HK2: variants seen among roughly 807,000 people sequenced by gnomAD.
The protein encoded by HK2 is hexokinase 2, also known as hexokinase-2.
A neutral mutation model predicts 92.9 loss-of-function variants in HK2; 42 were observed. That is an observed-to-expected ratio of 0.45 (90% CI 0.35 to 0.58). HK2 has a LOEUF of 0.58. Among genes scored for constraint, HK2 ranks in the 20% least tolerant of loss-of-function variants. The pLI is 0.00. For synonymous variants in HK2, 422 were observed against 468.0 expected, an observed-to-expected ratio of 0.90 and a Z score of 1.27; for missense variants, 978 against 1,245.1, an observed-to-expected ratio of 0.79 and a Z score of 3.23.
chr2:74,848,587 G>A (rs908254248), intron 1 of HK2, among the ~76,000 whole-genome samples: 18 of 152,216 alleles, frequency 1.2e-4, no homozygotes, highest in Non-Finnish European at 2.6e-4. Flanking sequence ...TTCAGGGATT[G>A]AATGATACGG....
Position 74,837,043 on chromosome 2 carries a change from A to C in HK2, c.63+2400A>C, listed in dbSNP as rs374758832. 2.0e-5 allele frequency among the ~76,000 whole-genome samples: 3 copies of C among 152,172 alleles called. No individual in the cohort carries two copies. The East Asian group carries it at 5.8e-4, about 29-fold the overall frequency. On this transcript the variant is annotated intron_variant, in intron 1 of 17. Transcript: ENST00000290573. Reference sequence around the variant, plus strand: ...CAGGGTTATTTCCTCACTTTTGCCAATTGGAACTCAGGAGCGACTGCAGAG... The same window carrying C: ...CAGGGTTATTTCCTCACTTTTGCCACTTGGAACTCAGGAGCGACTGCAGAG...
intron 3 of HK2, among the ~76,000 whole-genome samples, chr2:74,870,927 G>A (rs1689082317): frequency 6.6e-6 from 1 of 152,196 alleles, no homozygotes; most frequent in Non-Finnish European, 1.5e-5. Context: ...AGTTAGATCT[G>A]GCCATCTTCC....
chr2:74,880,748 T>C (rs368179996), intron 10 of HK2, among the ~76,000 whole-genome samples, 179 bp downstream of exon 10: 90 of 152,372 alleles, frequency 5.9e-4, no homozygotes, highest in African/African-American at 2.1e-3. Context: ...CTGCAAACAG[T>C]AGTAATGGTC....
chr2:74,879,012 G>A, intron 9 of HK2, 91 bp downstream of exon 9: 1 of 1,128,100 alleles, frequency 8.9e-7, no homozygotes, highest in South Asian at 1.3e-5. Flanking sequence ...TGCATTTCAG[G>A]GGTGGTGTGG....
In HK2 at chr2:74,880,334, C is replaced by T. The variant is rs761200069; in HGVS notation, c.1335C>T (p.Ser445=). Residue 445 remains serine, a synonymous_variant, in exon 10 of 18, where the codon TCC becomes TCT. Coordinates refer to ENST00000290573, the MANE Select transcript of HK2 (RefSeq NM_000189.5). The part of the protein sequence containing the change: ...VPGCDVRFLR[S]EDGSGKGAAM... ...GCTGCGATGTCCGCTTCCTCCGCTC[C>T]GAGGATGGCAGTGGCAAAGGTGCAG... is the stretch of plus-strand genomic sequence containing the variant. The T allele has an allele frequency of 2.0e-5, 33 of 1,614,058 alleles. No individual in the cohort carries two copies. The highest frequency in any genetic ancestry group is 2.0e-4 in the East Asian group (9 of 44,898).
intron 1 of HK2, among the ~76,000 whole-genome samples, chr2:74,841,246 T>C (rs1200504406): frequency 6.6e-6 from 1 of 151,906 alleles, no homozygotes; most frequent in Non-Finnish European, 1.5e-5. Context: ...GAGACATTTT[T>C]GGTTGTCACA....
In HK2 at chr2:74,878,768, C is replaced by G. The variant is rs758816076; in HGVS notation, c.1112C>G (p.Thr371Ser). 5.7e-6 allele frequency: 9 copies of G among 1,586,280 alleles called. No homozygotes were observed. The highest frequency in any genetic ancestry group is 6.0e-6 in the Non-Finnish European group (7 of 1,166,394). ...LDPTQEDCVATHRICQIVSTR... is the reference protein window; with the variant it reads ...LDPTQEDCVASHRICQIVSTR... ...CCGACTCAGGAGGACTGCGTGGCCACTCACCGGATCTGCCAGATCGTGTCC... is the reference window on the plus strand; with the variant it reads ...CCGACTCAGGAGGACTGCGTGGCCAGTCACCGGATCTGCCAGATCGTGTCC... The change falls in exon 9 of 18, where the codon ACT becomes AGT. Residue 371 changes from threonine (T) to serine (S), a missense_variant. Physicochemically the swap from Thr to Ser is moderately conservative, Grantham distance 58. Transcript: ENST00000290573.
At chr2:74,852,795 A>G (rs927247183) in intron 1 of HK2, among the ~76,000 whole-genome samples, 5 of 152,214 alleles carry the variant, frequency 3.3e-5, no homozygotes, top group African/African-American at 1.2e-4. Flanking sequence ...AAACAGGATC[A>G]GTGAAAGAAC....
chr2:74,854,422 C>T lies in HK2; in HGVS notation c.193C>T (p.Pro65Ser). 1 of 1,614,202 alleles carries T rather than the reference C, an allele frequency of 6.2e-7. No homozygotes were observed. Among genetic ancestry groups the T allele is most frequent in the Middle Eastern group, 1.7e-4 (1 of 6,054 alleles). Residue 65 changes from proline (P) to serine (S), a missense_variant, in exon 2 of 18, where the codon CCC becomes TCC. Physicochemically the swap from Pro to Ser is moderately conservative, Grantham distance 74. This residue lies in a region of HK2 where 189 missense variants were observed against 289.5 expected (regional missense o/e 0.65). Coordinates refer to ENST00000290573, the MANE Select transcript of HK2 (RefSeq NM_000189.5). ...CCCTACTGCAGCAGTGAAGATGCTG[C>T]CCACCTTTGTGAGGTCCACTCCAGA... ...THPTAAVKML[P>S]TFVRSTPDGT...
At chr2:74,849,063 C>A (rs545287408) in intron 1 of HK2, among the ~76,000 whole-genome samples, 1 of 152,340 alleles carries the variant, frequency 6.6e-6, no homozygotes, top group East Asian at 1.9e-4. Context: ...CGAAGTGGAG[C>A]CTCCATGAAT....
chr2:74,889,155 C>T lies in HK2; in HGVS notation c.2376-90C>T. 3.8e-6 allele frequency: 4 copies of T among 1,065,070 alleles called. No individual in the cohort carries two copies. The South Asian group carries it at 4.1e-5, about 11-fold the overall frequency. The allele number at this position is 1,065,070 out of a possible 1,614,324, so 66.0% of individuals were successfully genotyped here. On this transcript the variant is annotated intron_variant, in intron 16 of 17. Transcript: ENST00000290573. Reference sequence around the variant, plus strand: ...CCTGGAGAGCTAGACCCCCACAGAGCCTCCCCTGTAAGGACTCAGGCCCTG... The same window carrying T: ...CCTGGAGAGCTAGACCCCCACAGAGTCTCCCCTGTAAGGACTCAGGCCCTG...
chr2:74,865,514 C>G (rs948949630), intron 2 of HK2, among the ~76,000 whole-genome samples: 1 of 152,114 alleles, frequency 6.6e-6, no homozygotes, highest in Admixed American at 6.5e-5. Context: ...ATGACAGCCA[C>G]CACGTTGTGT....
intron 7 of HK2, among the ~76,000 whole-genome samples, chr2:74,876,621 C>G (rs1402768187): frequency 2.0e-5 from 3 of 152,158 alleles, no homozygotes; most frequent in Non-Finnish European, 2.9e-5. Context: ...GCAGATTCCT[C>G]TATCCCAACC....
chr2:74,857,614 C>G (rs367770065), intron 2 of HK2, among the ~76,000 whole-genome samples: 1 of 152,180 alleles, frequency 6.6e-6, no homozygotes, highest in South Asian at 2.1e-4. Flanking sequence ...CCACTGCACT[C>G]CAGCCTGGGT....
In HK2 at chr2:74,838,067, T is replaced by A. The variant is rs559153460; in HGVS notation, c.63+3424T>A. 4.6e-5 allele frequency among the ~76,000 whole-genome samples: 7 copies of A among 152,336 alleles called. No homozygotes were observed. In the South Asian group the frequency reaches 1.4e-3, roughly 32 times the overall value. The stretch of plus-strand genomic sequence containing the variant: ...TGCAGTTTACTGTCTTAATTTTCTT[T>A]CTGCTTCCTTCTCCCCCTCCTGTGT... On this transcript the variant is annotated intron_variant, in intron 1 of 17. Transcript: ENST00000290573.
intron 17 of HK2, 95 bp from the exon 18 acceptor site, chr2:74,890,702 T>A (rs1438482078): frequency 7.5e-7 from 1 of 1,333,836 alleles, no homozygotes; most frequent in East Asian, 2.3e-5. Flanking sequence ...TTTCTGTGTT[T>A]CCAGCATCGC....
At chr2:74,887,545 C>T (rs1166772598) in intron 15 of HK2, among the ~76,000 whole-genome samples, 2 of 152,110 alleles carry the variant, frequency 1.3e-5, no homozygotes, top group Non-Finnish European at 2.9e-5. Flanking sequence ...TTCTCCCCTG[C>T]TCCGAGAAGT....
intron 1 of HK2, among the ~76,000 whole-genome samples, chr2:74,848,128 G>A (rs680545): frequency 0.48 from 72,484 of 151,980 alleles, 17,825 homozygotes; most frequent in Middle Eastern, 0.61. Flanking sequence ...ATCTGCTAAG[G>A]TGGCTGAGCT....
At chr2:74,882,498 C>G (rs1487375856) in intron 12 of HK2, among the ~76,000 whole-genome samples, 5 of 150,772 alleles carry the variant, frequency 3.3e-5, no homozygotes, top group Admixed American at 6.6e-5. Flanking sequence ...TGTGGTGACT[C>G]ATACCTGTAA....
Sources: gnomAD v4.1 joint callset for allele counts (sites outside exome capture counted in the v4.1 genomes callset) on GRCh38, gnomAD v4.1.1 for gene constraint, gnomAD v4.1.1 regional missense constraint, MANE v1.5 for transcripts, NCBI Gene and HGNC (gene_info 2026-07-23, HGNC 2026-07-21) for gene names.